The following CPZ variants were observed in gnomAD, a reference collection of about 807,000 sequenced individuals.
The protein encoded by CPZ is VEZT/CPZ fusion.
In CPZ, 103 loss-of-function variants were observed where a neutral mutation model predicts 61.8. The observed-to-expected ratio is 1.67, with a 90% CI of 1.42 to 1.96. CPZ has a LOEUF of 1.96. Ranked by LOEUF, CPZ falls within the 30% of genes most tolerant of loss-of-function variation. The probability of loss-of-function intolerance (pLI) is 0.00; values close to 1 mark genes in which losing one functional copy is unlikely to be tolerated. For missense variants in CPZ, 1,461 were observed against 914.9 expected, an observed-to-expected ratio of 1.60 and a Z score of -7.70; for synonymous variants, 551 against 373.7, an observed-to-expected ratio of 1.47 and a Z score of -5.47.
Position 8,592,889 on chromosome 4 carries a change from G to A in CPZ, c.56G>A (p.Arg19Gln), listed in dbSNP as rs79736750. The change falls in exon 1 of 11, where the codon CGG (arginine) becomes CAG (glutamine). Residue 19 changes from arginine to glutamine, a missense_variant. Coordinates refer to ENST00000360986, the MANE Select transcript of CPZ (RefSeq NM_001014447.3). ...ACAGTCCTGGTCGTCGCCGCTGCCC[G>A]GCCGGGGTGCGAGTTTGAGCGGAAC... ...LLTVLVVAAA[R>Q]PGCEFERNPA... The A allele has an allele frequency of 5.2e-5, 80 of 1,533,468 alleles. 1 individual carries two copies. The highest frequency in any genetic ancestry group is 4.7e-4 in the South Asian group (39 of 83,502). 95.0% of individuals were successfully genotyped at this position (1,533,468 alleles called of 1,614,324 possible).
At position 8,599,452 on chromosome 4, in the gene CPZ, G is replaced by A; in HGVS notation, c.89-1G>A. 6.2e-7 allele frequency: 1 copy of A among 1,610,254 alleles called. No individual in the cohort carries two copies. ...TAACAGTGCCATGTCTCTCTTTCCA[G>A]GTGAATGCCACAGGCCACCAGCTGC... On this transcript the variant is annotated splice_acceptor_variant, in intron 1 of 10. Coordinates refer to ENST00000360986, the MANE Select transcript of CPZ (RefSeq NM_001014447.3). LOFTEE classifies it high-confidence loss of function.
chr4:8,605,968 A>G (rs201606859), intron 4 of CPZ, 21 bp from the exon 5 acceptor site: 2 of 1,604,506 alleles, frequency 1.2e-6, no homozygotes, highest in Non-Finnish European at 8.5e-7. Context: ...TGATGCCCCA[A>G]GTCTCTGTAT....
At chr4:8,599,616 C>G (rs1232457963) in intron 2 of CPZ, 131 bp downstream of exon 2, 2 of 1,492,112 alleles carry the variant, frequency 1.3e-6, no homozygotes, top group Admixed American at 2.4e-5. Flanking sequence ...ATTAATCAAA[C>G]TAGAACCCCC....
At chr4:8,596,198 T>C (rs539630039) in intron 1 of CPZ, among the ~76,000 whole-genome samples, 134 of 152,244 alleles carry the variant, frequency 8.8e-4, no homozygotes, top group African/African-American at 3.1e-3. Flanking sequence ...ACTACAGGTG[T>C]GTGCCACCAT....
At chr4:8,614,710 G>A (rs980390854) in intron 9 of CPZ, among the ~76,000 whole-genome samples, 8 of 152,098 alleles carry the variant, frequency 5.3e-5, no homozygotes, top group Admixed American at 1.3e-4. Flanking sequence ...CTGGGGTGGC[G>A]GTGCCATGTG....
intron 4 of CPZ, among the ~76,000 whole-genome samples, chr4:8,605,745 A>G (rs929127118): frequency 1.3e-5 from 2 of 152,186 alleles, no homozygotes; most frequent in African/African-American, 4.8e-5. Flanking sequence ...GCATGAATCA[A>G]TGATAACATA....
intron 2 of CPZ, 169 bp downstream of exon 2, chr4:8,599,654 A>G (rs7671320): frequency 0.26 from 372,585 of 1,438,176 alleles, 50,201 homozygotes; most frequent in Admixed American, 0.41. Flanking sequence ...AAAATTAGAC[A>G]TAACAAAAAA....
chr4:8,606,835 G>A lies in CPZ; in HGVS notation c.1005G>A (p.Leu335=), dbSNP rs767362382. 8 of 1,613,872 alleles carry A rather than the reference G, an allele frequency of 5.0e-6. No individual in the cohort carries two copies. The South Asian group carries it at 6.6e-5, about 13-fold the overall frequency. ...ACCTGACGTCCGAGTACTACCGGCT[G>A]GCGGAGACCCGCGGCGCACGCAGCG... is the stretch of plus-strand genomic sequence containing the variant. ...FPDLTSEYYR[L]AETRGARSDH... Residue 335 remains leucine, a synonymous_variant, in exon 6 of 11, where the codon CTG becomes CTA. Coordinates refer to ENST00000360986, the MANE Select transcript of CPZ (RefSeq NM_001014447.3).
intron 9 of CPZ, among the ~76,000 whole-genome samples, chr4:8,616,983 G>A (rs1218867676): frequency 6.6e-6 from 1 of 152,158 alleles, no homozygotes; most frequent in Non-Finnish European, 1.5e-5. Flanking sequence ...CTGGGTTCCC[G>A]AGATCCCTGT....
intron 8 of CPZ, among the ~76,000 whole-genome samples, chr4:8,614,022 T>C (rs1041020580): frequency 7.2e-5 from 11 of 152,254 alleles, no homozygotes; most frequent in Non-Finnish European, 1.3e-4. Flanking sequence ...CTGTGGACTT[T>C]GCCGCCAAGC....
Position 8,605,944 on chromosome 4 carries a change from C to A in CPZ, c.710-45C>A, listed in dbSNP as rs753947453. ...GGGGGGGCCTCATGCCTTTGGGGAC[C>A]CCCGGCTTTGAGATGATGCCCCAAG... On this transcript the variant is annotated intron_variant, in intron 4 of 10. Transcript: ENST00000360986. 3.8e-6 allele frequency: 6 copies of A among 1,581,302 alleles called. No homozygotes were observed. In the African/African-American group the frequency reaches 4.0e-5, roughly 11 times the overall value.
chr4:8,611,269 G>C (rs1382333386), intron 7 of CPZ: 4 of 456,142 alleles, frequency 8.8e-6, no homozygotes, highest in African/African-American at 8.0e-5. Flanking sequence ...CTCTGCCCAA[G>C]GTCAGTCTGG....
intron 8 of CPZ, among the ~76,000 whole-genome samples, chr4:8,613,280 C>T (rs929701278): frequency 3.3e-5 from 5 of 152,104 alleles, no homozygotes; most frequent in Non-Finnish European, 7.4e-5. Flanking sequence ...TACAGGCGCC[C>T]ACCACCACAC....
intron 4 of CPZ, among the ~76,000 whole-genome samples, chr4:8,604,721 G>T (rs1046199195): frequency 1.3e-5 from 2 of 152,190 alleles, no homozygotes; most frequent in African/African-American, 4.8e-5. Context: ...GACCTCAAGT[G>T]ATCCGCCCAG....
At chr4:8,600,902 G>A in intron 2 of CPZ, 2 of 1,274,660 alleles carry the variant, frequency 1.6e-6, no homozygotes, top group Non-Finnish European at 2.0e-6. Context: ...CGGCTGGCTT[G>A]CTGGTGGGTA....
intron 7 of CPZ, among the ~76,000 whole-genome samples, chr4:8,610,765 C>T (rs114710731): frequency 5.3e-4 from 80 of 152,282 alleles, no homozygotes; most frequent in African/African-American, 1.9e-3. Context: ...GGATAGTGGT[C>T]CATGGTCTGC....
chr4:8,617,102 G>C (rs1256489385), intron 9 of CPZ, among the ~76,000 whole-genome samples: 2 of 152,244 alleles, frequency 1.3e-5, no homozygotes, highest in Non-Finnish European at 2.9e-5. Flanking sequence ...TGGAACAGCA[G>C]TTAGGTGCCA....
chr4:8,611,074 ATTCATTCG>A (rs1313985810), intron 7 of CPZ: 2 of 361,450 alleles, frequency 5.5e-6, no homozygotes, highest in Non-Finnish European at 1.2e-5. Context: ...TCATTCACTC[ATTCATTCG>A]CTCATTCACT....
chr4:8,618,376 C>A (rs7670383), intron 9 of CPZ, 53 bp from the exon 10 acceptor site: 36 of 1,573,848 alleles, frequency 2.3e-5, no homozygotes, highest in African/African-American at 2.2e-4. Flanking sequence ...ACGGCCTCCA[C>A]GCTCAGCAGG....
Sources: allele counts gnomAD v4.1 joint callset (sites outside exome capture counted in the v4.1 genomes callset), GRCh38; gene constraint gnomAD v4.1.1; transcripts MANE v1.5; gene names NCBI Gene and HGNC (gene_info 2026-07-23, HGNC 2026-07-21).